Variants in ABCA4 observed in about 807,000 individuals in gnomAD.
ABCA4 encodes ATP binding cassette subfamily A member 4.
In ABCA4, 196 loss-of-function variants were observed where a neutral mutation model predicts 263.7. The ratio of observed to expected loss-of-function variants is 0.74; its 90% confidence interval spans 0.66 to 0.84. The LOEUF is 0.84. Among genes scored for constraint, ABCA4 ranks in the 40% least tolerant of loss-of-function variants. The pLI is 0.00. For synonymous variants in ABCA4, 1,133 were observed against 1,094.2 expected, an observed-to-expected ratio of 1.04 and a Z score of -0.70; for missense variants, 2,792 against 2,855.1, an observed-to-expected ratio of 0.98 and a Z score of 0.50.
intron 11 of ABCA4, among the ~76,000 whole-genome samples, chr1:94,065,401 C>T (rs542032632): frequency 4.6e-5 from 7 of 152,312 alleles, no homozygotes; most frequent in South Asian, 2.1e-4. Context: ...ACGAGAAAGG[C>T]AGACAGGGCG....
chr1:94,060,845 G>C (rs1011339227), intron 13 of ABCA4, 86 bp from the exon 14 acceptor site: 2 of 1,144,960 alleles, frequency 1.7e-6, no homozygotes, highest in African/African-American at 3.1e-5. Context: ...AATGTGTTGA[G>C]AACAAAGCCC....
chr1:94,097,151 G>C (rs1253376855), intron 6 of ABCA4, among the ~76,000 whole-genome samples: 1 of 152,182 alleles, frequency 6.6e-6, no homozygotes, highest in Non-Finnish European at 1.5e-5. Flanking sequence ...TTTTCCTACA[G>C]TGTGGTGAGC....
Position 93,996,005 on chromosome 1 carries a change from A to C in ABCA4, c.6816+104T>G. 3 of 1,010,892 alleles carry C rather than the reference A, an allele frequency of 3.0e-6. No individual in the cohort carries two copies. In the Admixed American group the frequency reaches 5.8e-5, roughly 19 times the overall value. The allele number at this position is 1,010,892 out of a possible 1,614,324, so 62.6% of individuals were successfully genotyped here. A position where few individuals can be genotyped will look rare whatever the true frequency, so the allele number is the denominator to read the frequency against. ...CCGTGGTGTGGGTGGGGCTCTCTGT[A>C]GGAGGCATATCTGAGCCTTGGAGCA... is the stretch of plus-strand genomic sequence containing the variant. On this transcript the variant is annotated intron_variant, in intron 49 of 49. Transcript: ENST00000370225.
At chr1:94,048,467 A>G (rs1207659551) in intron 18 of ABCA4, among the ~76,000 whole-genome samples, 3 of 152,186 alleles carry the variant, frequency 2.0e-5, no homozygotes, top group East Asian at 1.9e-4. Flanking sequence ...GCTCCCCTGG[A>G]GTCTCTTTCC....
rs1233678072 is a variant in ABCA4, at chr1:94,008,205, C to G, written c.5898+30G>C. On this transcript the variant is annotated intron_variant, in intron 42 of 49. Transcript: ENST00000370225. ...AGGCACAAGAGCTGATGTTCGGAAG[C>G]CTTTCACACGTGGTCTGCAGAGTAC... 2.5e-6 allele frequency: 4 copies of G among 1,609,952 alleles called. No individual in the cohort carries two copies. The Admixed American group carries it at 5.0e-5, about 20-fold the overall frequency.
intron 11 of ABCA4, among the ~76,000 whole-genome samples, chr1:94,065,724 A>C (rs568960907): frequency 6.6e-6 from 1 of 152,260 alleles, no homozygotes; most frequent in Non-Finnish European, 1.5e-5. Flanking sequence ...ACACAGGTAC[A>C]TGAAAAATTC....
intron 6 of ABCA4, among the ~76,000 whole-genome samples, chr1:94,094,901 A>G (rs1323383365): frequency 6.6e-6 from 1 of 152,198 alleles, no homozygotes; most frequent in Non-Finnish European, 1.5e-5. Flanking sequence ...TGGCACTAAT[A>G]ATACCTTGGG....
chr1:94,117,169 G>T (rs980746670), intron 1 of ABCA4, among the ~76,000 whole-genome samples: 13 of 151,388 alleles, frequency 8.6e-5, no homozygotes, highest in Admixed American at 5.3e-4. Context: ...AGTTGTGCTT[G>T]TTGTTTTAGA....
At chr1:94,111,134 A>G (rs1377663038) in intron 3 of ABCA4, among the ~76,000 whole-genome samples, 1 of 152,228 alleles carries the variant, frequency 6.6e-6, no homozygotes, top group East Asian at 1.9e-4. Flanking sequence ...AAGCAGGTCA[A>G]TGACCAGAAG....
At chr1:94,028,708 A>C (rs1398962659) in intron 30 of ABCA4, among the ~76,000 whole-genome samples, 1 of 152,040 alleles carries the variant, frequency 6.6e-6, no homozygotes, top group Non-Finnish European at 1.5e-5. Flanking sequence ...GGAGTTCAAC[A>C]CCAGCCTGGC....
At chr1:94,061,767 T>G (rs1277041999) in intron 13 of ABCA4, among the ~76,000 whole-genome samples, 5 of 152,228 alleles carry the variant, frequency 3.3e-5, no homozygotes, top group Non-Finnish European at 5.9e-5. Flanking sequence ...CCAAACTAAC[T>G]GCAGACTGGC....
At chr1:94,115,309 T>C (rs1386397547) in intron 1 of ABCA4, among the ~76,000 whole-genome samples, 2 of 152,228 alleles carry the variant, frequency 1.3e-5, no homozygotes, top group Admixed American at 6.5e-5. Flanking sequence ...GTAGATCGGC[T>C]GTCTTCCATG....
intron 38 of ABCA4, among the ~76,000 whole-genome samples, chr1:94,012,150 T>A (rs1168703559): frequency 6.6e-6 from 1 of 152,108 alleles, no homozygotes; most frequent in Non-Finnish European, 1.5e-5. Context: ...ATCTGGCTCC[T>A]CCCAGTCCCA....
Position 94,077,670 on chromosome 1 carries a change from TG to T in ABCA4, c.1554+19del, listed in dbSNP as rs768315762. ...GGGGCTATCTTCAAGGGGCCCACTG[TG>T]GGGCTTGCAGCCCCTTACCTCCAGG... On this transcript the variant is annotated intron_variant, in intron 11 of 49. Coordinates refer to ENST00000370225, the MANE Select transcript of ABCA4 (RefSeq NM_000350.3). The T allele has an allele frequency of 5.0e-6, 8 of 1,597,978 alleles. No individual in the cohort carries two copies. In the South Asian group the frequency reaches 7.9e-5, roughly 16 times the overall value.
chr1:94,063,447 T>G (rs771285571), intron 11 of ABCA4, 130 bp from the exon 12 acceptor site: 2 of 903,754 alleles, frequency 2.2e-6, no homozygotes, highest in Non-Finnish European at 3.6e-6. Context: ...GCCTATAAAC[T>G]TAATGTTTGC....
intron 2 of ABCA4, among the ~76,000 whole-genome samples, chr1:94,111,937 G>A (rs571718601): frequency 2.6e-5 from 4 of 152,368 alleles, no homozygotes; most frequent in South Asian, 2.1e-4. Context: ...GCAGACGCTC[G>A]TCTATTCCTT....
chr1:94,057,684 T>C (rs1661018270), intron 14 of ABCA4, among the ~76,000 whole-genome samples: 1 of 152,230 alleles, frequency 6.6e-6, no homozygotes, highest in South Asian at 2.1e-4. Context: ...CTCAGTAACT[T>C]TCACATTAAC....
chr1:94,079,526 T>TG, intron 8 of ABCA4, 65 bp from the exon 9 acceptor site: 2 of 1,606,838 alleles, frequency 1.2e-6, no homozygotes, highest in East Asian at 4.5e-5. Context: ...ATATAGTCAT[T>TG]AGTGTATCCA....
At chr1:94,106,565 A>G (rs749204275) in intron 4 of ABCA4, among the ~76,000 whole-genome samples, 17 of 152,232 alleles carry the variant, frequency 1.1e-4, no homozygotes, top group Non-Finnish European at 2.4e-4. Flanking sequence ...TACTCATACC[A>G]TATAAGGTTC....
Sources: gnomAD v4.1 joint callset for allele counts (sites outside exome capture counted in the v4.1 genomes callset) on GRCh38, gnomAD v4.1.1 for gene constraint, MANE v1.5 for transcripts, NCBI Gene and HGNC (gene_info 2026-07-23, HGNC 2026-07-21) for gene names.